Variants in DNMT3B observed in about 807,000 individuals in gnomAD.
DNMT3B encodes the protein DNA (cytosine-5)-methyltransferase 3B.
DNMT3B carries 37 observed loss-of-function variants against 120.2 expected under a neutral mutation model. That is an observed-to-expected ratio of 0.31 (90% CI 0.24 to 0.40). DNMT3B has a LOEUF of 0.40. Among genes scored for constraint, DNMT3B ranks in the 10% least tolerant of loss-of-function variants. The pLI, the probability that DNMT3B is intolerant of heterozygous loss-of-function variation, is 1.00. For missense variants in DNMT3B, 878 were observed against 1,137.3 expected, an observed-to-expected ratio of 0.77 and a Z score of 3.28; for synonymous variants, 412 against 442.8, an observed-to-expected ratio of 0.93 and a Z score of 0.87.
rs766802588 is a variant in DNMT3B at position 32,807,758 on chromosome 20, C to G, written c.2421-4C>G. The G allele has an allele frequency of 1.2e-6, 2 of 1,614,064 alleles. No homozygotes were observed. Among genetic ancestry groups the G allele is most frequent in the Non-Finnish European group, 1.7e-6 (2 of 1,180,038 alleles). On this transcript the variant is annotated splice_polypyrimidine_tract_variant and splice_region_variant and intron_variant, in intron 22 of 22. Transcript: ENST00000328111. ...TTGCTGTCTTTTCACTCCGGTACCC[C>G]CAGGATCTTTGGCTTTCCTGTGCAC...
intron 12 of DNMT3B, 41 bp from the exon 13 acceptor site, chr20:32,796,749 G>T (rs745678326): frequency 4.0e-5 from 65 of 1,610,042 alleles, no homozygotes; most frequent in Non-Finnish European, 5.5e-5. Flanking sequence ...CTGGTGTCAG[G>T]GCCTCAACTG....
In DNMT3B at chr20:32,772,572, A is replaced by G. The variant is rs1444870042; in HGVS notation, c.-6-7746A>G. 6.0e-5 allele frequency among the ~76,000 whole-genome samples: 9 copies of G among 150,926 alleles called. No individual in the cohort carries two copies. In the South Asian group the frequency reaches 1.9e-3, roughly 31 times the overall value. ...GGATTCTGCTCCAATGCTGCCCCTC[A>G]TTCTCTGAGTTACCATTGACCACTC... On this transcript the variant is annotated intron_variant, in intron 1 of 22. Transcript: ENST00000328111.
chr20:32,785,452 T>A (rs149162561), intron 4 of DNMT3B, among the ~76,000 whole-genome samples: 120 of 152,290 alleles, frequency 7.9e-4, no homozygotes, highest in African/African-American at 2.8e-3. Flanking sequence ...GCTCAGCTGC[T>A]AATGACCTAG....
In DNMT3B at chr20:32,802,460, G is replaced by A. The variant is rs769823434; in HGVS notation, c.2221G>A (p.Gly741Arg). 17 of 1,614,052 alleles carry A rather than the reference G, an allele frequency of 1.1e-5. No individual in the cohort carries two copies. In the Admixed American group the frequency reaches 1.2e-4, roughly 11 times the overall value. Residue 741 changes from glycine to arginine, a missense_variant, in exon 20 of 23, where the codon GGG (glycine) becomes AGG (arginine). Gly to Arg is a moderately radical substitution (Grantham distance 125). Around this residue, in one of 4 missense-constraint regions of DNMT3B, gnomAD observed 334 missense variants for 518.8 expected, o/e 0.64. Coordinates refer to ENST00000328111, the MANE Select transcript of DNMT3B (RefSeq NM_006892.4). ...CCGATACTTCTGGGGCAACCTACCC[G>A]GGATGAACAGGTAACAAAGGGCTCT... ...RARYFWGNLP[G>R]MNRPVIASKN... is the part of the protein sequence containing the mutation.
Position 32,801,301 on chromosome 20 carries a change from G to A in DNMT3B, c.2020G>A (p.Glu674Lys), listed in dbSNP as rs749860839. 1.2e-6 allele frequency: 2 copies of A among 1,614,018 alleles called. No individual in the cohort carries two copies. Among genetic ancestry groups the A allele is most frequent in the Middle Eastern group, 1.6e-4 (1 of 6,080 alleles). ...LYEGTGRLFF[E>K]FYHLLNYSRP... ...AGAGGGTACAGGCCGGCTCTTCTTC[G>A]AATTTTACCACCTGCTGAATTACTC... Residue 674 changes from glutamate to lysine, a missense_variant, in exon 19 of 23, where the codon GAA becomes AAA. By Grantham distance (56) the Glu-to-Lys change is moderately conservative. This residue lies in a region of DNMT3B where 334 missense variants were observed against 518.8 expected (regional missense o/e 0.64). Transcript: ENST00000328111.
intron 1 of DNMT3B, among the ~76,000 whole-genome samples, chr20:32,764,222 G>T (rs1162532633): frequency 6.6e-6 from 1 of 152,178 alleles, no homozygotes; most frequent in African/African-American, 2.4e-5. Flanking sequence ...TATTACATCT[G>T]TGAATTAGCA....
chr20:32,765,984 C>G (rs6058875), intron 1 of DNMT3B, among the ~76,000 whole-genome samples: 82,027 of 150,988 alleles, frequency 0.54, 24,930 homozygotes, highest in East Asian at 0.92. Flanking sequence ...GTCTCAATCT[C>G]CTGACCTCCT....
intron 9 of DNMT3B, 32 bp downstream of exon 9, chr20:32,792,802 G>C: frequency 2.5e-6 from 4 of 1,613,378 alleles, no homozygotes; most frequent in Non-Finnish European, 3.4e-6. Context: ...AGCACCCGCT[G>C]CCTCTGCTGG....
intron 7 of DNMT3B, 140 bp from the exon 8 acceptor site, chr20:32,791,461 T>C: frequency 1.2e-6 from 1 of 801,838 alleles, no homozygotes; most frequent in Non-Finnish European, 2.1e-6. Context: ...TTCAAATAGA[T>C]GTCTGTGGAC....
chr20:32,788,878 G>C lies in DNMT3B; in HGVS notation c.679G>C (p.Asp227His), dbSNP rs760505841. Residue 227 changes from aspartate to histidine, a missense_variant, in exon 7 of 23, where the codon GAC becomes CAC. Transcript: ENST00000328111. ...YQDGKEFGIGDLVWGKIKGFS... is the reference protein window; with the variant it reads ...YQDGKEFGIGHLVWGKIKGFS... Reference sequence around the variant, plus strand: ...GGATGGGAAGGAGTTTGGAATAGGGGACCTCGTGTGGGGAAAGATCAAGGG... The same window carrying C: ...GGATGGGAAGGAGTTTGGAATAGGGCACCTCGTGTGGGGAAAGATCAAGGG... 4 of 1,614,188 alleles carry C rather than the reference G, an allele frequency of 2.5e-6. No individual in the cohort carries two copies. The South Asian group carries it at 3.3e-5, about 13-fold the overall frequency.
intron 17 of DNMT3B, 66 bp downstream of exon 17, chr20:32,800,364 T>G (rs1981181821): frequency 6.2e-7 from 1 of 1,607,548 alleles, no homozygotes; most frequent in Non-Finnish European, 8.5e-7. Flanking sequence ...CTCCACACCC[T>G]GAAACCCACA....
intron 22 of DNMT3B, 137 bp downstream of exon 22, chr20:32,806,464 T>C (rs1981993639): frequency 1.2e-6 from 1 of 845,036 alleles, no homozygotes; most frequent in African/African-American, 1.7e-5. Flanking sequence ...ATAATACCTT[T>C]TCATAGTTCG....
intron 10 of DNMT3B, among the ~76,000 whole-genome samples, chr20:32,793,897 C>A (rs1980288696): frequency 1.3e-5 from 2 of 152,126 alleles, no homozygotes; most frequent in Admixed American, 6.6e-5. Flanking sequence ...TTTTTAATGG[C>A]TGTACAATTT....
In DNMT3B at chr20:32,800,179, A is replaced by G; in HGVS notation, c.1786A>G (p.Ile596Val). The change falls in exon 17 of 23, where the codon ATA (isoleucine) becomes GTA (valine). Residue 596 changes from isoleucine to valine, a missense_variant. Ile to Val is a conservative substitution (Grantham distance 29). Transcript: ENST00000328111. ...CTACCTAGTCCTCAAAGAGTTGGGCATAAAGGTAGGAAAGTACGTCGCTTC... is the reference window on the plus strand; with the variant it reads ...CTACCTAGTCCTCAAAGAGTTGGGCGTAAAGGTAGGAAAGTACGTCGCTTC... ...TGYLVLKELG[I>V]KVGKYVASEV... The G allele has an allele frequency of 1.2e-6, 2 of 1,614,252 alleles. No homozygotes were observed. Among genetic ancestry groups the G allele is most frequent in the Non-Finnish European group, 1.7e-6 (2 of 1,180,052 alleles).
At chr20:32,794,986 G>A (rs1303763584) in intron 10 of DNMT3B, among the ~76,000 whole-genome samples, 2 of 152,230 alleles carry the variant, frequency 1.3e-5, no homozygotes, top group Non-Finnish European at 2.9e-5. Context: ...TAATGAGCCA[G>A]TTAGTTGACT....
intron 19 of DNMT3B, among the ~76,000 whole-genome samples, chr20:32,801,799 A>T (rs1020428273): frequency 6.6e-6 from 1 of 152,066 alleles, no homozygotes; most frequent in South Asian, 2.1e-4. Context: ...TGCACACCCT[A>T]GTCTTGAACT....
intron 18 of DNMT3B, 96 bp from the exon 19 acceptor site, chr20:32,801,182 C>A: frequency 6.3e-7 from 1 of 1,578,276 alleles, no homozygotes; most frequent in Non-Finnish European, 8.7e-7. Context: ...CCTGAACTGT[C>A]AGGAGGCCAT....
chr20:32,803,911 A>C (rs1981668030), intron 20 of DNMT3B, among the ~76,000 whole-genome samples: 1 of 152,206 alleles, frequency 6.6e-6, no homozygotes, highest in African/African-American at 2.4e-5. Flanking sequence ...TTCTGGGTGG[A>C]TTATAGACAA....
intron 1 of DNMT3B, among the ~76,000 whole-genome samples, chr20:32,777,303 G>A (rs1023611224): frequency 6.6e-5 from 10 of 152,112 alleles, no homozygotes; most frequent in African/African-American, 2.2e-4. Context: ...CGTTGGGTAG[G>A]CTGGTGGCCA....
Sources: gnomAD v4.1 joint callset for allele counts (sites outside exome capture counted in the v4.1 genomes callset) on GRCh38, gnomAD v4.1.1 for gene constraint, gnomAD v4.1.1 regional missense constraint, MANE v1.5 for transcripts, NCBI Gene and HGNC (gene_info 2026-07-23, HGNC 2026-07-21) for gene names.